PRKAR2A: variants seen among roughly 807,000 people sequenced by gnomAD.
The protein encoded by PRKAR2A is cAMP-dependent protein kinase type II-alpha regulatory subunit.
In PRKAR2A, 29 loss-of-function variants were observed where a neutral mutation model predicts 51.9. The ratio of observed to expected loss-of-function variants is 0.56; its 90% CI spans 0.42 to 0.76. The LOEUF (loss-of-function observed/expected upper bound fraction) is 0.76, where lower values mean the gene tolerates loss of function less well. PRKAR2A is among the 30% of genes least tolerant of loss of function. The pLI, the probability that PRKAR2A is intolerant of heterozygous loss-of-function variation, is 0.00. For synonymous variants in PRKAR2A, 178 were observed against 186.2 expected (o/e 0.96, Z 0.36); for missense variants, 445 against 512.1 (o/e 0.87, Z 1.26).
chr3:48,792,445 A>C (rs2082405258), intron 3 of PRKAR2A, among the ~76,000 whole-genome samples: 1 of 139,742 alleles, frequency 7.2e-6, no homozygotes, highest in Admixed American at 7.4e-5. Context: ...TGGCCCACTA[A>C]AGGTTTAATC....
intron 5 of PRKAR2A, among the ~76,000 whole-genome samples, chr3:48,782,406 C>T (rs2082213957): frequency 6.6e-6 from 1 of 152,094 alleles, no homozygotes; most frequent in Non-Finnish European, 1.5e-5. Context: ...AAAGCACACC[C>T]TGCACTCCTT....
intron 1 of PRKAR2A, among the ~76,000 whole-genome samples, chr3:48,824,999 A>C (rs913258472): frequency 2.0e-5 from 3 of 151,386 alleles, no homozygotes; most frequent in Admixed American, 6.6e-5. Flanking sequence ...AATATGGTTA[A>C]GTTCTTGAAT....
At chr3:48,819,986 G>C (rs981065552) in intron 1 of PRKAR2A, among the ~76,000 whole-genome samples, 1 of 152,154 alleles carries the variant, frequency 6.6e-6, no homozygotes, top group African/African-American at 2.4e-5. Flanking sequence ...TTCCAATTTG[G>C]TCATAGGATA....
At chr3:48,828,226 T>C (rs1014857520) in intron 1 of PRKAR2A, among the ~76,000 whole-genome samples, 6 of 152,100 alleles carry the variant, frequency 3.9e-5, no homozygotes, top group African/African-American at 1.4e-4. Context: ...TGTTCCTATG[T>C]TGCACAGGCT....
chr3:48,786,156 G>A (rs1170562734), intron 4 of PRKAR2A, among the ~76,000 whole-genome samples: 2 of 143,140 alleles, frequency 1.4e-5, no homozygotes, highest in South Asian at 2.2e-4. Flanking sequence ...ACAGAGTCTC[G>A]CTCTGTCACC....
rs1237762277 is a variant in PRKAR2A at position 48,750,364 on chromosome 3, AAAAAG to A, written c.*1216_*1220del. 6.5e-6 allele frequency: 1 copy of A among 152,714 alleles called. No homozygotes were observed. Among genetic ancestry groups the A allele is most frequent in the Non-Finnish European group, 1.5e-5 (1 of 68,472 alleles). 9.5% of individuals were successfully genotyped at this position (152,714 alleles called of 1,614,324 possible). A position where few individuals can be genotyped will look rare whatever the true frequency, so the allele number is the denominator to read the frequency against. Reference sequence around the variant, plus strand: ...GGCAACAAGAGCGAAACTCCGTCTCAAAAAGAAAACAAAAAAAAAATTTTTGTTTT... The same window carrying A: ...GGCAACAAGAGCGAAACTCCGTCTCAAAAACAAAAAAAAAATTTTTGTTTT... On this transcript the variant is annotated 3_prime_UTR_variant, in exon 11 of 11. Coordinates refer to ENST00000265563, the MANE Select transcript of PRKAR2A (RefSeq NM_004157.4).
chr3:48,843,512 G>A (rs1358899231), intron 1 of PRKAR2A, among the ~76,000 whole-genome samples: 1 of 151,996 alleles, frequency 6.6e-6, no homozygotes, highest in Non-Finnish European at 1.5e-5. Flanking sequence ...AACCAAAAAA[G>A]AGCCCGCATC....
chr3:48,812,486 G>A (rs1575917310), intron 1 of PRKAR2A, among the ~76,000 whole-genome samples: 1 of 149,650 alleles, frequency 6.7e-6, no homozygotes, highest in South Asian at 2.1e-4. Context: ...AGCAGAAAAA[G>A]CTTTTTTTTT....
intron 1 of PRKAR2A, among the ~76,000 whole-genome samples, chr3:48,822,816 G>T (rs2082991103): frequency 1.3e-5 from 2 of 150,860 alleles, no homozygotes; most frequent in African/African-American, 4.9e-5. Context: ...TTGATGTGGG[G>T]CCATTATCAA....
chr3:48,764,382 A>G (rs927940015), intron 8 of PRKAR2A, among the ~76,000 whole-genome samples: 1 of 152,210 alleles, frequency 6.6e-6, no homozygotes, highest in South Asian at 2.1e-4. Flanking sequence ...ATAGAAAGTT[A>G]GAGGACAGAA....
At chr3:48,786,109 AGTTTTTTGGTTTTTTTTT>A (rs2082286153) in intron 4 of PRKAR2A, among the ~76,000 whole-genome samples, 1 of 150,628 alleles carries the variant, frequency 6.6e-6, no homozygotes. Context: ...AATATCTGGC[AGTTTTTTGGTTTTTTTTT>A]GTTTTTTTTT....
chr3:48,824,117 T>C (rs2083017134), intron 1 of PRKAR2A, among the ~76,000 whole-genome samples: 3 of 152,176 alleles, frequency 2.0e-5, no homozygotes. Context: ...GGCAGGCACC[T>C]GTAATCACAG....
chr3:48,773,815 C>T (rs1048491072), intron 5 of PRKAR2A, among the ~76,000 whole-genome samples: 3 of 149,870 alleles, frequency 2.0e-5, no homozygotes, highest in African/African-American at 7.4e-5. Context: ...CATTTTTTGA[C>T]ATATATATTT....
At chr3:48,829,055 C>T (rs2083121336) in intron 1 of PRKAR2A, among the ~76,000 whole-genome samples, 1 of 151,718 alleles carries the variant, frequency 6.6e-6, no homozygotes, top group South Asian at 2.1e-4. Context: ...AAGCTGGTCT[C>T]GAACTTCTGA....
At chr3:48,778,267 A>C (rs1473580985) in intron 5 of PRKAR2A, among the ~76,000 whole-genome samples, 1 of 152,106 alleles carries the variant, frequency 6.6e-6, no homozygotes, top group Non-Finnish European at 1.5e-5. Flanking sequence ...CTGGGATTAC[A>C]GGTGTGAGCC....
chr3:48,842,062 ATTTG>A (rs1270286967), intron 1 of PRKAR2A, among the ~76,000 whole-genome samples: 8 of 152,082 alleles, frequency 5.3e-5, no homozygotes, highest in Non-Finnish European at 1.2e-4. Context: ...ATGTTCTTCC[ATTTG>A]TTTGTATCCT....
chr3:48,803,156 C>T (rs1371104835), intron 2 of PRKAR2A, among the ~76,000 whole-genome samples: 2 of 152,164 alleles, frequency 1.3e-5, no homozygotes, highest in Non-Finnish European at 2.9e-5. Context: ...TGGCTCACAC[C>T]TGTAATCCCA....
chr3:48,826,227 C>T (rs2083061332), intron 1 of PRKAR2A, among the ~76,000 whole-genome samples: 2 of 152,212 alleles, frequency 1.3e-5, no homozygotes, highest in South Asian at 4.1e-4. Flanking sequence ...GATCGCACCA[C>T]TGCATTCCAG....
At chr3:48,798,315 A>G (rs1260603613) in intron 2 of PRKAR2A, among the ~76,000 whole-genome samples, 1 of 152,234 alleles carries the variant, frequency 6.6e-6, no homozygotes, top group Non-Finnish European at 1.5e-5. Context: ...AAACTGGGGA[A>G]GCTGCATCAA....
Sources: gnomAD v4.1 joint callset for allele counts (sites outside exome capture counted in the v4.1 genomes callset) on GRCh38, gnomAD v4.1.1 for gene constraint, MANE v1.5 for transcripts, NCBI Gene and HGNC (gene_info 2026-07-23, HGNC 2026-07-21) for gene names.